The following JAK2 variants were observed in gnomAD, a reference collection of about 807,000 sequenced individuals.
JAK2 encodes the protein tyrosine-protein kinase JAK2.
JAK2 carries 86 observed loss-of-function variants against 139.3 expected under a neutral mutation model. That is an observed-to-expected ratio of 0.62 (90% confidence interval 0.52 to 0.74). The LOEUF is 0.74. Among genes scored for constraint, JAK2 ranks in the 30% least tolerant of loss-of-function variants. The probability of loss-of-function intolerance (pLI) is 0.00; values close to 1 mark genes in which losing one functional copy is unlikely to be tolerated. For synonymous variants in JAK2, 490 were observed against 437.7 expected (o/e 1.12, Z -1.49); for missense variants, 1,421 against 1,360.3 (o/e 1.04, Z -0.70).
intron 22 of JAK2, chr9:5,112,213 G>T (rs1822649477): frequency 3.6e-6 from 1 of 274,414 alleles, no homozygotes; most frequent in South Asian, 3.3e-5. Flanking sequence ...CATGCTGCTG[G>T]TGGGGGCAGC....
intron 19 of JAK2, among the ~76,000 whole-genome samples, chr9:5,088,500 T>C (rs1003464817): frequency 6.6e-6 from 1 of 151,808 alleles, no homozygotes; most frequent in Non-Finnish European, 1.5e-5. Context: ...ATGTACTTAA[T>C]GAGTTTTAGG....
intron 6 of JAK2, among the ~76,000 whole-genome samples, chr9:5,051,488 G>T (rs1042935774): frequency 1.3e-5 from 2 of 152,128 alleles, no homozygotes; most frequent in Middle Eastern, 3.2e-3. Context: ...TTTGGATTCA[G>T]TAAATCTGAG....
In JAK2 at chr9:5,054,428, C is replaced by T. The variant is rs764743835; in HGVS notation, c.615-135C>T. Reference sequence around the variant, plus strand: ...ACTGTATGGATGGGGGTTATGTCAACTTACGCCACTTGGCCACTGTGTTGT... The same window carrying T: ...ACTGTATGGATGGGGGTTATGTCAATTTACGCCACTTGGCCACTGTGTTGT... On this transcript the variant is annotated intron_variant, in intron 6 of 24. Coordinates refer to ENST00000381652, the MANE Select transcript of JAK2 (RefSeq NM_004972.4). This position sits in a 1 kb window ranked among gnomAD's most constrained non-coding sequence, Gnocchi z 4.9. 9.1e-6 allele frequency: 6 copies of T among 657,990 alleles called. No individual in the cohort carries two copies. Among genetic ancestry groups the T allele is most frequent in the Admixed American group, 2.9e-5 (1 of 34,634 alleles). The allele number at this position is 657,990 out of a possible 1,614,324, so 40.8% of individuals were successfully genotyped here.
At chr9:5,033,361 A>C (rs1823314300) in intron 4 of JAK2, among the ~76,000 whole-genome samples, 1 of 152,228 alleles carries the variant, frequency 6.6e-6, no homozygotes, top group African/African-American at 2.4e-5. Flanking sequence ...CGAGGCAGGC[A>C]AACATTCAAA....
At chr9:5,117,112 G>C (rs559520860) in intron 22 of JAK2, among the ~76,000 whole-genome samples, 30 of 152,306 alleles carry the variant, frequency 2.0e-4, no homozygotes, top group African/African-American at 6.3e-4. Context: ...GTGGCAACAA[G>C]GCTCCCCTTG....
intron 22 of JAK2, chr9:5,100,657 G>A (rs1821402171): frequency 6.6e-6 from 1 of 152,152 alleles, no homozygotes; most frequent in Admixed American, 6.5e-5. Context: ...TTTGCATCAG[G>A]AGTTTCAGTT....
chr9:5,071,871 A>G (rs1818971076), intron 12 of JAK2, among the ~76,000 whole-genome samples: 2 of 152,212 alleles, frequency 1.3e-5, no homozygotes, highest in African/African-American at 4.8e-5. Context: ...CAGGCTTTCA[A>G]CAATTACTTT....
intron 22 of JAK2, chr9:5,098,134 A>G (rs2130728663): frequency 6.6e-6 from 1 of 152,340 alleles, no homozygotes; most frequent in South Asian, 2.1e-4. Context: ...CTAGTAATTT[A>G]GAGTGACTTT....
At chr9:5,046,014 A>T (rs1165324421) in intron 5 of JAK2, among the ~76,000 whole-genome samples, 1 of 152,150 alleles carries the variant, frequency 6.6e-6, no homozygotes, top group East Asian at 1.9e-4. Context: ...GCAGTGCACA[A>T]GTGTTCCAAT....
Position 5,114,774 on chromosome 9 carries a change from G to T in JAK2, c.3060-8230G>T, listed in dbSNP as rs116105239. The T allele has an allele frequency of 4.7e-3, 1,517 of 319,674 alleles. 20 individuals carry two copies. The highest frequency in any genetic ancestry group is 0.026 in the African/African-American group (1,198 of 45,754). The allele number at this position is 319,674 out of a possible 1,614,324, so 19.8% of individuals were successfully genotyped here. A position where few individuals can be genotyped will look rare whatever the true frequency, so the allele number is the denominator to read the frequency against. ...TGAGACAGCGACTGGCTCACAGACC[G>T]TCAAGTAACTGTTGTCTGTAAATCC... On this transcript the variant is annotated intron_variant, in intron 22 of 24. Coordinates refer to ENST00000381652, the MANE Select transcript of JAK2 (RefSeq NM_004972.4).
chr9:5,038,997 G>A (rs561953346), intron 4 of JAK2, among the ~76,000 whole-genome samples: 2 of 152,124 alleles, frequency 1.3e-5, no homozygotes, highest in African/African-American at 4.8e-5. Flanking sequence ...GGAATGGCAA[G>A]GAACTTCCTC....
At chr9:5,051,295 T>C (rs1027702660) in intron 6 of JAK2, among the ~76,000 whole-genome samples, 10 of 152,178 alleles carry the variant, frequency 6.6e-5, no homozygotes, top group African/African-American at 2.4e-4. Flanking sequence ...CTGAGAAGGC[T>C]AGGGAAGTTC....
intron 22 of JAK2, among the ~76,000 whole-genome samples, chr9:5,118,233 TTTTA>T (rs1397439160): frequency 2.0e-5 from 3 of 152,210 alleles, no homozygotes; most frequent in African/African-American, 4.8e-5. Flanking sequence ...ATGAATAGAC[TTTTA>T]TTTTTTTGTA....
At chr9:5,122,590 C>A (rs941553374) in intron 22 of JAK2, among the ~76,000 whole-genome samples, 1 of 151,912 alleles carries the variant, frequency 6.6e-6, no homozygotes, top group Non-Finnish European at 1.5e-5. Context: ...CAAGACCATC[C>A]CCAGGTTGAC....
At chr9:5,028,671 G>A (rs937810383) in intron 3 of JAK2, among the ~76,000 whole-genome samples, 3 of 152,182 alleles carry the variant, frequency 2.0e-5, no homozygotes, top group African/African-American at 7.2e-5. Context: ...TGGATAACTT[G>A]CTGCATCCTC....
At chr9:4,995,775 A>C (rs1820524477) in intron 2 of JAK2, among the ~76,000 whole-genome samples, 1 of 152,216 alleles carries the variant, frequency 6.6e-6, no homozygotes, top group Admixed American at 6.5e-5. Context: ...TATTCATTTT[A>C]GTTATTCTAT....
intron 2 of JAK2, among the ~76,000 whole-genome samples, chr9:4,992,896 T>A (rs1456371983): frequency 6.6e-6 from 1 of 152,186 alleles, no homozygotes; most frequent in Non-Finnish European, 1.5e-5. Context: ...TTCCTGGAAG[T>A]CATTCTTAAT....
At chr9:5,004,980 G>T (rs1184100573) in intron 2 of JAK2, among the ~76,000 whole-genome samples, 1 of 145,552 alleles carries the variant, frequency 6.9e-6, no homozygotes, top group African/African-American at 2.6e-5. Context: ...GCAGTGGTGT[G>T]ATCATAGCTC....
At chr9:5,119,912 AT>A (rs902949442) in intron 22 of JAK2, among the ~76,000 whole-genome samples, 1 of 152,206 alleles carries the variant, frequency 6.6e-6, no homozygotes, top group African/African-American at 2.4e-5. Flanking sequence ...AGTTCATTAA[AT>A]TTTATGTAAA....
Sources: gnomAD v4.1 joint callset for allele counts (sites outside exome capture counted in the v4.1 genomes callset) on GRCh38, gnomAD v4.1.1 for gene constraint, Gnocchi (gnomAD v3.1) non-coding constraint, MANE v1.5 for transcripts, NCBI Gene and HGNC (gene_info 2026-07-23, HGNC 2026-07-21) for gene names.